Variants in ITPR2 observed in about 807,000 individuals in gnomAD.
The protein encoded by ITPR2 is inositol 1,4,5-trisphosphate receptor type 2.
Under a neutral mutation model 317.1 loss-of-function variants are expected in ITPR2, and 207 were observed. The ratio of observed to expected loss-of-function variants is 0.65; its 90% CI spans 0.58 to 0.73. The LOEUF is 0.73. ITPR2 is among the 30% of genes least tolerant of loss of function. ITPR2 has a pLI of 0.00. For synonymous variants in ITPR2, 1,156 were observed against 1,149.1 expected (o/e 1.01, Z -0.12); for missense variants, 2,613 against 3,284.0 (o/e 0.80, Z 4.99).
chr12:26,644,044 G>A (rs1947053644), intron 21 of ITPR2, among the ~76,000 whole-genome samples: 2 of 152,194 alleles, frequency 1.3e-5, no homozygotes, highest in African/African-American at 4.8e-5. Context: ...GCCACCTAAA[G>A]AGAAGCCAGG....
At chr12:26,582,582 C>A (rs1452352203) in intron 32 of ITPR2, among the ~76,000 whole-genome samples, 1 of 152,074 alleles carries the variant, frequency 6.6e-6, no homozygotes, top group Non-Finnish European at 1.5e-5. Context: ...ATTTTCTTAT[C>A]TTCTTAGTTA....
chr12:26,390,947 G>A (rs887851289), intron 54 of ITPR2, among the ~76,000 whole-genome samples: 3 of 152,172 alleles, frequency 2.0e-5, no homozygotes, highest in Non-Finnish European at 4.4e-5. Flanking sequence ...TAATACGGTA[G>A]AGGAAACAGG....
intron 55 of ITPR2, among the ~76,000 whole-genome samples, chr12:26,380,209 AGCCAC>A (rs1234507326): frequency 1.3e-5 from 2 of 152,236 alleles, no homozygotes; most frequent in African/African-American, 4.8e-5. Flanking sequence ...AACAGCATTC[AGCCAC>A]ACTGTTAAGT....
At chr12:26,357,193 C>T (rs1938668330) in intron 55 of ITPR2, among the ~76,000 whole-genome samples, 1 of 151,866 alleles carries the variant, frequency 6.6e-6, no homozygotes, top group Non-Finnish European at 1.5e-5. Context: ...ACCAGAGAGA[C>T]CAAGCACACA....
intron 48 of ITPR2, among the ~76,000 whole-genome samples, chr12:26,432,473 G>C (rs1267496365): frequency 1.3e-5 from 2 of 152,176 alleles, no homozygotes; most frequent in Non-Finnish European, 2.9e-5. Context: ...CTTAGCTAAA[G>C]TGATCACTTT....
chr12:26,506,133 C>T (rs888869334), intron 37 of ITPR2, among the ~76,000 whole-genome samples: 1 of 151,516 alleles, frequency 6.6e-6, no homozygotes, highest in East Asian at 2.0e-4. Flanking sequence ...CTTTAGGAGG[C>T]CAAGGCAGAA....
chr12:26,496,549 T>C (rs955253693), intron 37 of ITPR2, among the ~76,000 whole-genome samples: 3 of 152,190 alleles, frequency 2.0e-5, no homozygotes, highest in Admixed American at 6.5e-5. Context: ...TTATTCTGTT[T>C]CCACTTAGAT....
rs1018143408 is a variant in ITPR2, at chr12:26,464,472, C to T, written c.6342+10824G>A. 3.3e-5 allele frequency among the ~76,000 whole-genome samples: 5 copies of T among 152,112 alleles called. No homozygotes were observed. The South Asian group carries it at 8.3e-4, about 25-fold the overall frequency. On this transcript the variant is annotated intron_variant, in intron 45 of 56. Coordinates refer to ENST00000381340, the MANE Select transcript of ITPR2 (RefSeq NM_002223.4). Reference sequence around the variant, plus strand: ...AGGAGGCAGAGCTCAGGTGGTCATGCTTGCTTGCCTGCCACTCACCTCCTG... The same window carrying T: ...AGGAGGCAGAGCTCAGGTGGTCATGTTTGCTTGCCTGCCACTCACCTCCTG...
chr12:26,781,224 G>C (rs1379895235), intron 2 of ITPR2, among the ~76,000 whole-genome samples: 1 of 152,200 alleles, frequency 6.6e-6, no homozygotes, highest in Non-Finnish European at 1.5e-5. Context: ...TTTGCTGAAG[G>C]CAGAAGGAAT....
At chr12:26,538,144 G>C (rs1287495342) in intron 37 of ITPR2, among the ~76,000 whole-genome samples, 2 of 152,188 alleles carry the variant, frequency 1.3e-5, no homozygotes, top group South Asian at 4.1e-4. Context: ...CAGATTGGCT[G>C]GATTTTCCTC....
At chr12:26,583,280 T>A (rs1332669241) in intron 32 of ITPR2, among the ~76,000 whole-genome samples, 1 of 152,188 alleles carries the variant, frequency 6.6e-6, no homozygotes, top group Non-Finnish European at 1.5e-5. Flanking sequence ...TTCATTTCTA[T>A]CTTCTGTCAT....
chr12:26,804,762 G>C (rs148820566), intron 1 of ITPR2, among the ~76,000 whole-genome samples: 1 of 151,660 alleles, frequency 6.6e-6, no homozygotes, highest in African/African-American at 2.4e-5. Flanking sequence ...TTGAGACAAG[G>C]TCTCTCTCTG....
At chr12:26,435,861 T>C (rs1941338074) in intron 48 of ITPR2, among the ~76,000 whole-genome samples, 1 of 152,078 alleles carries the variant, frequency 6.6e-6, no homozygotes, top group African/African-American at 2.4e-5. Flanking sequence ...GAGTAAAATA[T>C]AAACGCCAGT....
At chr12:26,641,213 T>C (rs1318154463) in intron 21 of ITPR2, among the ~76,000 whole-genome samples, 2 of 151,762 alleles carry the variant, frequency 1.3e-5, no homozygotes, top group Non-Finnish European at 2.9e-5. Context: ...CAAACAACCA[T>C]TCACAAAGGA....
chr12:26,751,188 A>G (rs532627173), intron 2 of ITPR2, among the ~76,000 whole-genome samples: 1 of 152,336 alleles, frequency 6.6e-6, no homozygotes, highest in East Asian at 1.9e-4. Context: ...ACTCAGTACT[A>G]TAGTAATACA....
chr12:26,722,252 T>C (rs923262623), intron 5 of ITPR2, 145 bp downstream of exon 5: 1 of 562,708 alleles, frequency 1.8e-6, no homozygotes, highest in Non-Finnish European at 3.0e-6. Context: ...TAAATAAACA[T>C]GTTTAACCTA....
At chr12:26,487,482 G>GT (rs1451116958) in intron 39 of ITPR2, among the ~76,000 whole-genome samples, 3 of 152,132 alleles carry the variant, frequency 2.0e-5, no homozygotes, top group Admixed American at 2.0e-4. Context: ...TTCAGATGCT[G>GT]TTTAATTTAT....
intron 26 of ITPR2, among the ~76,000 whole-genome samples, chr12:26,608,574 G>A (rs1355670067): frequency 4.0e-5 from 6 of 151,324 alleles, no homozygotes; most frequent in African/African-American, 1.5e-4. Flanking sequence ...CTGCCCCACA[G>A]TCTATTAATT....
rs1159473733 is a variant in ITPR2, at chr12:26,595,452, A to T, written c.4380+13T>A. On this transcript the variant is annotated intron_variant, in intron 32 of 56. Transcript: ENST00000381340. ...ATCTATTGACACCCTTCAGTAGTCA[A>T]AATCTAACTTACCCTTGCCATATCC... 1 of 1,603,920 alleles carries T rather than the reference A, an allele frequency of 6.2e-7. No individual in the cohort carries two copies. The highest frequency in any genetic ancestry group is 2.2e-5 in the East Asian group (1 of 44,630).
Sources: gnomAD v4.1 joint callset for allele counts (sites outside exome capture counted in the v4.1 genomes callset) on GRCh38, gnomAD v4.1.1 for gene constraint, MANE v1.5 for transcripts, NCBI Gene and HGNC (gene_info 2026-07-23, HGNC 2026-07-21) for gene names.